The following TEC variants were observed in gnomAD, a reference collection of about 807,000 sequenced individuals.
TEC encodes tyrosine-protein kinase Tec.
In TEC, 72 loss-of-function variants were observed where a neutral mutation model predicts 93.0. The ratio of observed to expected loss-of-function variants is 0.77; its 90% CI spans 0.64 to 0.94. The LOEUF is 0.94. Among genes scored for constraint, TEC ranks in the 40% least tolerant of loss-of-function variants. TEC has a pLI of 0.00. For missense variants in TEC, 630 were observed against 757.9 expected, an observed-to-expected ratio of 0.83 and a Z score of 1.98; for synonymous variants, 249 against 247.7, an observed-to-expected ratio of 1.01 and a Z score of -0.05.
chr4:48,181,681 A>AAAAAAAG, intron 2 of TEC, among the ~76,000 whole-genome samples: 1 of 126,714 alleles, frequency 7.9e-6, no homozygotes, highest in East Asian at 2.0e-4. Context: ...TCAAAAAAAA[A>AAAAAAAG]AAAAAAGAAA....
At chr4:48,245,558 T>A (rs115662332) in intron 1 of TEC, among the ~76,000 whole-genome samples, 2 of 152,348 alleles carry the variant, frequency 1.3e-5, no homozygotes, top group Non-Finnish European at 2.9e-5. Flanking sequence ...ATTTAAGTGC[T>A]TGCTATCAGT....
intron 5 of TEC, 88 bp downstream of exon 5, chr4:48,170,160 C>T: frequency 8.6e-7 from 1 of 1,165,166 alleles, no homozygotes; most frequent in Non-Finnish European, 1.2e-6. Context: ...GTGTGCTGTA[C>T]TTAATCAAAA....
At chr4:48,211,784 C>T (rs74283239) in intron 2 of TEC, among the ~76,000 whole-genome samples, 12,189 of 151,958 alleles carry the variant, frequency 0.08, 685 homozygotes, top group East Asian at 0.32. Context: ...TAAGCATAAC[C>T]CTTTTCAGCT....
intron 2 of TEC, among the ~76,000 whole-genome samples, chr4:48,210,230 C>T (rs538059294): frequency 1.4e-4 from 22 of 152,136 alleles, no homozygotes; most frequent in Non-Finnish European, 2.2e-4. Context: ...TGCCTGTAAT[C>T]TTGGCACTTT....
chr4:48,142,330 C>T (rs1487409032), intron 14 of TEC, among the ~76,000 whole-genome samples: 1 of 152,116 alleles, frequency 6.6e-6, no homozygotes, highest in African/African-American at 2.4e-5. Flanking sequence ...AAAAATTAGC[C>T]AAGTGTGGTG....
Position 48,150,953 on chromosome 4 carries a change from A to G in TEC, c.793-11T>C. ...ACCACCTTCTTTATCCTAAAATCCA[A>G]GTTCAGAAAAAATTTTTTTTACTCT... On this transcript the variant is annotated splice_polypyrimidine_tract_variant and intron_variant, in intron 9 of 17. Transcript: ENST00000381501. 1 of 1,566,850 alleles carries G rather than the reference A, an allele frequency of 6.4e-7. No homozygotes were observed. The highest frequency in any genetic ancestry group is 8.6e-7 in the Non-Finnish European group (1 of 1,159,312).
chr4:48,224,295 A>G (rs1298625899), intron 2 of TEC, among the ~76,000 whole-genome samples: 1 of 152,248 alleles, frequency 6.6e-6, no homozygotes, highest in Non-Finnish European at 1.5e-5. Flanking sequence ...AGCTAATGAT[A>G]GTTGCAAATT....
At chr4:48,161,102 G>T (rs1374666651) in intron 8 of TEC, among the ~76,000 whole-genome samples, 1 of 152,086 alleles carries the variant, frequency 6.6e-6, no homozygotes, top group Non-Finnish European at 1.5e-5. Flanking sequence ...GAAAGAAGAG[G>T]TTTGAGGGCA....
chr4:48,208,660 C>G (rs570881353), intron 2 of TEC, among the ~76,000 whole-genome samples: 1 of 152,272 alleles, frequency 6.6e-6, no homozygotes, highest in South Asian at 2.1e-4. Context: ...CCTACAGAAA[C>G]AGCAGGCAAG....
chr4:48,198,035 C>T (rs1269525856), intron 2 of TEC, among the ~76,000 whole-genome samples: 1 of 152,238 alleles, frequency 6.6e-6, no homozygotes, highest in Non-Finnish European at 1.5e-5. Flanking sequence ...CCTCATGCAA[C>T]CCGGAGATGG....
chr4:48,200,979 T>C (rs34209566), intron 2 of TEC, among the ~76,000 whole-genome samples: 1,950 of 152,344 alleles, frequency 0.013, 14 homozygotes, highest in Non-Finnish European at 0.02. Flanking sequence ...TTTAAACTAT[T>C]ACTTAGGGAT....
intron 1 of TEC, among the ~76,000 whole-genome samples, chr4:48,236,711 A>G (rs1350454101): frequency 1.3e-5 from 2 of 152,190 alleles, no homozygotes; most frequent in Non-Finnish European, 2.9e-5. Context: ...ATTTTAACAC[A>G]TTGTCTTTGA....
chr4:48,185,851 C>G (rs1423143851), intron 2 of TEC, among the ~76,000 whole-genome samples: 1 of 107,070 alleles, frequency 9.3e-6, no homozygotes. Context: ...CCCTCTCCCT[C>G]TCCCGTCTCC....
chr4:48,255,860 A>G (rs1478159984), intron 1 of TEC, among the ~76,000 whole-genome samples: 1 of 152,216 alleles, frequency 6.6e-6, no homozygotes, highest in Non-Finnish European at 1.5e-5. Flanking sequence ...GAACAAAGGT[A>G]CCATATGAAG....
intron 15 of TEC, among the ~76,000 whole-genome samples, chr4:48,139,763 G>C (rs553925155): frequency 1.3e-5 from 2 of 152,228 alleles, no homozygotes; most frequent in Non-Finnish European, 2.9e-5. Flanking sequence ...TTTACAAAAG[G>C]AATGTATCTC....
rs538042758 is a variant in TEC, at chr4:48,172,523, C to A, written c.244-1074G>T. ...AATTACAGCTCACTACAACCTGGAA[C>A]CCCCTCGGCTCAAGTGATCTTCCCA... On this transcript the variant is annotated intron_variant, in intron 3 of 17. Transcript: ENST00000381501. 5.3e-5 allele frequency among the ~76,000 whole-genome samples: 8 copies of A among 151,894 alleles called. No individual in the cohort carries two copies. In the South Asian group the frequency reaches 1.5e-3, roughly 28 times the overall value.
intron 14 of TEC, chr4:48,141,681 C>A: frequency 3.5e-6 from 1 of 283,296 alleles, no homozygotes; most frequent in Non-Finnish European, 6.2e-6. Context: ...TTTTTCTTTT[C>A]TTTCTTTTTT....
rs767097402 is a variant in TEC, at chr4:48,146,349, G to A, written c.1057C>T (p.Pro353Ser). Residue 353 changes from proline to serine, a missense_variant, in exon 12 of 18, where the codon CCC becomes TCC. Physicochemically the swap from Pro to Ser is moderately conservative, Grantham distance 74. This residue lies in a region of TEC where 289 missense variants were observed against 390.0 expected (regional missense o/e 0.74). Coordinates refer to ENST00000381501, the MANE Select transcript of TEC (RefSeq NM_003215.3). ...YPVSVKGKNA[P>S]TTAGFSYEKW... ...CCATAGCTGAATCCTGCAGTGGTGG[G>A]TGCATTCTTCCCTTTCACACTAACT... The A allele has an allele frequency of 5.6e-6, 9 of 1,613,666 alleles. No homozygotes were observed. Among genetic ancestry groups the A allele is most frequent in the Admixed American group, 1.7e-5 (1 of 59,978 alleles).
chr4:48,249,872 T>C (rs1724156719), intron 1 of TEC, among the ~76,000 whole-genome samples: 3 of 152,144 alleles, frequency 2.0e-5, no homozygotes, highest in Non-Finnish European at 4.4e-5. Flanking sequence ...TTTAAACTAG[T>C]GAAATAGAAA....
Sources: gnomAD v4.1 joint callset for allele counts (sites outside exome capture counted in the v4.1 genomes callset) on GRCh38, gnomAD v4.1.1 for gene constraint, gnomAD v4.1.1 regional missense constraint, MANE v1.5 for transcripts, NCBI Gene and HGNC (gene_info 2026-07-23, HGNC 2026-07-21) for gene names.